Variants in MYO9A observed in about 807,000 individuals in gnomAD.
MYO9A encodes unconventional myosin-IXa.
A neutral mutation model predicts 293.3 loss-of-function variants in MYO9A; 103 were observed. The ratio of observed to expected loss-of-function variants is 0.35; its 90% CI spans 0.30 to 0.41. The LOEUF is 0.41. Ranked by LOEUF, MYO9A falls within the 10% of genes least tolerant of loss-of-function variation. The pLI is 1.00. For synonymous variants in MYO9A, 1,001 were observed against 1,035.7 expected, an observed-to-expected ratio of 0.97 and a Z score of 0.64; for missense variants, 2,685 against 3,033.0, an observed-to-expected ratio of 0.89 and a Z score of 2.69.
At chr15:72,000,734 G>A (rs901988399) in intron 8 of MYO9A, among the ~76,000 whole-genome samples, 1 of 152,124 alleles carries the variant, frequency 6.6e-6, no homozygotes, top group African/African-American at 2.4e-5. Context: ...CGACCGCCCA[G>A]ATTCAAGCAA....
chr15:72,117,320 T>C (rs1045102567), intron 1 of MYO9A, among the ~76,000 whole-genome samples: 2 of 149,342 alleles, frequency 1.3e-5, no homozygotes, highest in Non-Finnish European at 3.0e-5. Context: ...GGTCGAGACT[T>C]TGCCTGAGAA....
chr15:72,080,063 G>T (rs2079492807), intron 1 of MYO9A, among the ~76,000 whole-genome samples: 1 of 152,146 alleles, frequency 6.6e-6, no homozygotes, highest in Non-Finnish European at 1.5e-5. Flanking sequence ...TACAAAGACT[G>T]TATTTCCATT....
chr15:71,990,907 TA>T (rs376168751), intron 11 of MYO9A, among the ~76,000 whole-genome samples, 195 bp downstream of exon 11: 210 of 152,338 alleles, frequency 1.4e-3, no homozygotes, highest in African/African-American at 4.4e-3. Flanking sequence ...TGAGTTTACA[TA>T]AACAAAGAGG....
At chr15:71,959,005 T>C (rs1290616896) in intron 14 of MYO9A, 1 of 152,242 alleles carries the variant, frequency 6.6e-6, no homozygotes, top group African/African-American at 2.4e-5. Flanking sequence ...AGTGGTTTTC[T>C]TGATTAGAAG....
At position 71,849,228 on chromosome 15, in the gene MYO9A, T is replaced by A. The variant is rs569137062; in HGVS notation, c.6714-260A>T. 3.9e-5 allele frequency among the ~76,000 whole-genome samples: 6 copies of A among 152,226 alleles called. No homozygotes were observed. In the South Asian group the frequency reaches 1.2e-3, roughly 32 times the overall value. On this transcript the variant is annotated intron_variant, in intron 38 of 41. Transcript: ENST00000356056. ...GCTTTGGGAGGCCGAGGCGGGTGGA[T>A]CACCTGAGGTCAGGAGTTCGAGACC...
intron 17 of MYO9A, among the ~76,000 whole-genome samples, chr15:71,934,416 A>G (rs1424339060): frequency 6.6e-6 from 1 of 152,096 alleles, no homozygotes; most frequent in African/African-American, 2.4e-5. Flanking sequence ...TGAGGATTAA[A>G]TGAGTTAATG....
rs531221026 is a variant in MYO9A at position 71,928,427 on chromosome 15, G to T, written c.2562+5243C>A. Among the ~76,000 whole-genome samples the T allele has an allele frequency of 1.5e-4, 22 of 151,574 alleles. No homozygotes were observed. The East Asian group carries it at 3.7e-3, about 25-fold the overall frequency. On this transcript the variant is annotated intron_variant, in intron 18 of 41. Coordinates refer to ENST00000356056, the MANE Select transcript of MYO9A (RefSeq NM_006901.4). ...TTCAAGATTGCTTTGGCTATTTGGGGTTTTTTTGTGTATTCATATGAATTT... is the reference window on the plus strand; with the variant it reads ...TTCAAGATTGCTTTGGCTATTTGGGTTTTTTTTGTGTATTCATATGAATTT...
intron 40 of MYO9A, 83 bp from the exon 41 acceptor site, chr15:71,828,109 C>A (rs911753080): frequency 2.7e-6 from 4 of 1,474,752 alleles, no homozygotes; most frequent in Non-Finnish European, 3.7e-6. Flanking sequence ...CCATGGAAGT[C>A]AGGAATCTAA....
chr15:71,977,905 C>T (rs1407097616), intron 12 of MYO9A, among the ~76,000 whole-genome samples: 4 of 151,956 alleles, frequency 2.6e-5, no homozygotes, highest in East Asian at 1.9e-4. Context: ...GGCATGGTGG[C>T]GGGCACCTGT....
intron 15 of MYO9A, 143 bp downstream of exon 15, chr15:71,951,634 A>G: frequency 1.2e-6 from 1 of 867,636 alleles, no homozygotes. Flanking sequence ...CTAAAGACTC[A>G]ATAGAAATAT....
intron 11 of MYO9A, among the ~76,000 whole-genome samples, chr15:71,985,072 A>G (rs1567348311): frequency 6.6e-6 from 1 of 152,160 alleles, no homozygotes; most frequent in African/African-American, 2.4e-5. Flanking sequence ...GGCATGTGCC[A>G]CCAAGCCCAG....
intron 6 of MYO9A, among the ~76,000 whole-genome samples, chr15:72,010,711 T>C (rs2077147260): frequency 6.6e-6 from 1 of 152,208 alleles, no homozygotes; most frequent in Non-Finnish European, 1.5e-5. Context: ...AAAAGTTAAC[T>C]TAAGATAAAG....
At chr15:72,017,472 C>T (rs1249684926) in intron 6 of MYO9A, among the ~76,000 whole-genome samples, 4 of 151,964 alleles carry the variant, frequency 2.6e-5, no homozygotes, top group East Asian at 1.9e-4. Flanking sequence ...TGGTGTAGTA[C>T]GTGAAAAAGG....
chr15:71,928,159 G>A (rs1220149110), intron 18 of MYO9A, among the ~76,000 whole-genome samples: 1 of 121,242 alleles, frequency 8.2e-6, no homozygotes, highest in African/African-American at 3.1e-5. Context: ...CTCACTGCAA[G>A]CTCCGCTTCC....
chr15:72,032,113 G>A (rs772120061), intron 3 of MYO9A, among the ~76,000 whole-genome samples: 8 of 152,068 alleles, frequency 5.3e-5, no homozygotes, highest in Non-Finnish European at 1.2e-4. Context: ...TTCACTATAT[G>A]TTGGTCAGGC....
At chr15:72,101,177 T>C (rs1436480222) in intron 1 of MYO9A, among the ~76,000 whole-genome samples, 65 of 116,714 alleles carry the variant, frequency 5.6e-4, no homozygotes, top group East Asian at 1.6e-3. Flanking sequence ...TGCCTCTGCC[T>C]GGCCGCCCCT....
At chr15:72,003,207 T>C (rs2076918785) in intron 8 of MYO9A, among the ~76,000 whole-genome samples, 1 of 150,086 alleles carries the variant, frequency 6.7e-6, no homozygotes, top group East Asian at 2.0e-4. Context: ...AGGCAGAGAT[T>C]GTGGTGAGCT....
At chr15:72,091,734 GAC>G (rs2079918035) in intron 1 of MYO9A, among the ~76,000 whole-genome samples, 28 of 141,480 alleles carry the variant, frequency 2.0e-4, no homozygotes, top group Admixed American at 1.2e-3. Context: ...TTTTTTTTGA[GAC>G]AGAGTTTCAC....
intron 1 of MYO9A, among the ~76,000 whole-genome samples, chr15:72,063,067 A>T (rs2078919860): frequency 6.6e-6 from 1 of 152,228 alleles, no homozygotes; most frequent in Admixed American, 6.5e-5. Flanking sequence ...CGAATGAAAC[A>T]GAATGGAGAA....
Sources: allele counts gnomAD v4.1 joint callset (sites outside exome capture counted in the v4.1 genomes callset), GRCh38; gene constraint gnomAD v4.1.1; transcripts MANE v1.5; gene names NCBI Gene and HGNC (gene_info 2026-07-23, HGNC 2026-07-21).